MUC6: variants seen among roughly 807,000 people sequenced by gnomAD.
MUC6 encodes mucin-6.
In MUC6, 188 loss-of-function variants were observed where a neutral mutation model predicts 201.5. The ratio of observed to expected loss-of-function variants is 0.93; its 90% confidence interval spans 0.83 to 1.05. MUC6 has a LOEUF of 1.05. Among genes scored for constraint, MUC6 ranks in the 50% least tolerant of loss-of-function variants. The probability of loss-of-function intolerance (pLI) is 0.00; values close to 1 mark genes in which losing one functional copy is unlikely to be tolerated. For synonymous variants in MUC6, 1,228 were observed against 1,389.4 expected, an observed-to-expected ratio of 0.88 and a Z score of 2.58; for missense variants, 2,706 against 3,256.9, an observed-to-expected ratio of 0.83 and a Z score of 4.12.
Position 1,020,163 on chromosome 11 carries a change from G to A in MUC6, c.3735C>T (p.Thr1245=). The A allele has an allele frequency of 6.2e-7, 1 of 1,613,034 alleles. No homozygotes were observed. The part of the protein sequence containing the change: ...STGPSPSSNH[T]PASPTQTPLL... ...GGGGTGTCTGGGTGGGGCTGGCAGG[G>A]GTGTGATTAGAGCTGGGTGAGGGTC... The change falls in exon 29 of 33, where the codon ACC becomes ACT. Residue 1245 remains threonine, a synonymous_variant. Coordinates refer to ENST00000421673, the MANE Select transcript of MUC6 (RefSeq NM_005961.3).
chr11:1,021,818 A>G (rs575068205), intron 26 of MUC6, among the ~76,000 whole-genome samples: 1 of 152,066 alleles, frequency 6.6e-6, no homozygotes, highest in South Asian at 2.1e-4. Context: ...TCCCCGATGC[A>G]GGTGCCCTGC....
rs749415464 is a variant in MUC6, at chr11:1,013,733, G to A, written c.7143-100C>T. On this transcript the variant is annotated intron_variant, in intron 32 of 32. Coordinates refer to ENST00000421673, the MANE Select transcript of MUC6 (RefSeq NM_005961.3). ...GCTCCGCAGAGGCCTGGACCTCCCC[G>A]CTGAGCTCCCGGCTCACAGGGGCCA... 6 of 1,423,564 alleles carry A rather than the reference G, an allele frequency of 4.2e-6. No homozygotes were observed. The Admixed American group carries it at 6.1e-5, about 14-fold the overall frequency. The allele number at this position is 1,423,564 out of a possible 1,614,324, so 88.2% of individuals were successfully genotyped here.
chr11:1,033,317 C>G lies in MUC6; in HGVS notation c.53-242G>C, dbSNP rs1416810141. The G allele has an allele frequency of 1.4e-5, 8 of 568,746 alleles. No individual in the cohort carries two copies. Among genetic ancestry groups the G allele is most frequent in the Non-Finnish European group, 2.2e-5 (7 of 314,660 alleles). 35.2% of individuals were successfully genotyped at this position (568,746 alleles called of 1,614,324 possible). A position where few individuals can be genotyped will look rare whatever the true frequency, so the allele number is the denominator to read the frequency against. On this transcript the variant is annotated intron_variant, in intron 1 of 32. Transcript: ENST00000421673. This position sits in a 1 kb window ranked among gnomAD's most constrained non-coding sequence, Gnocchi z 5.6. ...CACTCCCTCGTTTGTCCACTCAGTCCCAGTTCAGCCGTCAGCCCCTCGGGG... is the reference window on the plus strand; with the variant it reads ...CACTCCCTCGTTTGTCCACTCAGTCGCAGTTCAGCCGTCAGCCCCTCGGGG...
intron 24 of MUC6, 124 bp downstream of exon 24, chr11:1,024,720 C>T (rs1183701668): frequency 2.1e-6 from 3 of 1,436,814 alleles, no homozygotes; most frequent in Non-Finnish European, 2.8e-6. Context: ...ACTCTCTGCA[C>T]CCTGACCTGG....
rs1025765643 is a variant in MUC6 at position 1,031,755 on chromosome 11, T to C, written c.357-22A>G. On this transcript the variant is annotated intron_variant, in intron 3 of 32. Coordinates refer to ENST00000421673, the MANE Select transcript of MUC6 (RefSeq NM_005961.3). The stretch of plus-strand genomic sequence containing the variant: ...GACCCTGTGGGGCAAGGGAAGTCGG[T>C]GGTCGATCCTCAGTCCTCCGGCCCC... The C allele has an allele frequency of 4.5e-6, 7 of 1,549,672 alleles. No homozygotes were observed. The African/African-American group carries it at 6.8e-5, about 15-fold the overall frequency.
At position 1,016,406 on chromosome 11, in the gene MUC6, G is replaced by T; in HGVS notation, c.6395C>A (p.Ser2132Tyr). The T allele has an allele frequency of 6.2e-7, 1 of 1,613,724 alleles. No individual in the cohort carries two copies. The highest frequency in any genetic ancestry group is 8.5e-7 in the Non-Finnish European group (1 of 1,179,782). Reference sequence around the variant, plus strand: ...AGTAGAGGGGGCAGAAGGACTGGGAGAAAATGAGGAGGACAGCTGATTAGT... The same window carrying T: ...AGTAGAGGGGGCAGAAGGACTGGGATAAAATGAGGAGGACAGCTGATTAGT... ...STTNQLSSSF[S>Y]PSPSAPSTVS... Residue 2132 changes from serine (S) to tyrosine (Y), a missense_variant, in exon 31 of 33, where the codon TCT becomes TAT. Around this residue, in one of 10 missense-constraint regions of MUC6, gnomAD observed 586 missense variants for 488.0 expected, o/e 1.20. Transcript: ENST00000421673.
In MUC6 at chr11:1,020,186, G is replaced by A. The variant is rs1211333737; in HGVS notation, c.3712C>T (p.Pro1238Ser). The change falls in exon 29 of 33, where the codon CCC becomes TCC. Residue 1238 changes from proline (P) to serine (S), a missense_variant. This residue lies in a region of MUC6 where 1,850 missense variants were observed against 1,958.3 expected (regional missense o/e 0.94). Transcript: ENST00000421673. ...TTIGLLSSTGPSPSSNHTPAS... is the reference protein window; with the variant it reads ...TTIGLLSSTGSSPSSNHTPAS... ...GGGGTGTGATTAGAGCTGGGTGAGG[G>A]TCCGGTGGAGCTGAGAAGCCCGATG... 2.5e-6 allele frequency: 4 copies of A among 1,612,370 alleles called. No homozygotes were observed. Among genetic ancestry groups the A allele is most frequent in the Non-Finnish European group, 2.5e-6 (3 of 1,179,680 alleles).
Position 1,030,614 on chromosome 11 carries a change from A to T in MUC6, c.851T>A (p.Val284Glu). ...LSEYSRQCSM[V>E]GQPVRRWRSP... is the part of the protein sequence containing the mutation. ...CCGCCAGCGGCGGACCGGCTGGCCC[A>T]CCATGCTGCACTGGCGGGAGTACTC... The change falls in exon 7 of 33, where the codon GTG (valine) becomes GAG (glutamate). Residue 284 changes from valine to glutamate, a missense_variant. This residue lies in a region of MUC6 where 1,850 missense variants were observed against 1,958.3 expected (regional missense o/e 0.94). Transcript: ENST00000421673. The T allele has an allele frequency of 6.5e-7, 1 of 1,533,636 alleles. No homozygotes were observed. The highest frequency in any genetic ancestry group is 1.2e-5 in the South Asian group (1 of 82,744).
At chr11:1,022,601 G>A (rs1473049209) in intron 26 of MUC6, among the ~76,000 whole-genome samples, 1 of 152,152 alleles carries the variant, frequency 6.6e-6, no homozygotes, top group Non-Finnish European at 1.5e-5. Flanking sequence ...CGCCTCGGCC[G>A]ACACTGGGTC....
At chr11:1,035,123 C>T (rs950362493) in intron 1 of MUC6, among the ~76,000 whole-genome samples, 5 of 152,264 alleles carry the variant, frequency 3.3e-5, no homozygotes, top group Non-Finnish European at 7.3e-5. Context: ...CCACCGCGGC[C>T]CAGGCCTGCA....
At chr11:1,032,152 GTTT>G in intron 2 of MUC6, 99 bp from the exon 3 acceptor site, 1 of 1,482,810 alleles carries the variant, frequency 6.7e-7, no homozygotes, top group Non-Finnish European at 9.0e-7. Flanking sequence ...CTGGGCCAGG[GTTT>G]TTGAGTTGGG....
At chr11:1,030,849 G>T (rs1034168152) in intron 6 of MUC6, 69 bp from the exon 7 acceptor site, 2 of 1,528,016 alleles carry the variant, frequency 1.3e-6, no homozygotes, top group African/African-American at 1.4e-5. Context: ...GGGAGGTCGG[G>T]CAGGGCGTCT....
chr11:1,029,299 C>T lies in MUC6; in HGVS notation c.1204G>A (p.Gly402Ser). 2 of 1,606,568 alleles carry T rather than the reference C, an allele frequency of 1.2e-6. No homozygotes were observed. Among genetic ancestry groups the T allele is most frequent in the Non-Finnish European group, 1.7e-6 (2 of 1,177,466 alleles). Residue 402 changes from glycine (G) to serine (S), a missense_variant, in exon 10 of 33, where the codon GGC becomes AGC. Around this residue, in one of 10 missense-constraint regions of MUC6, gnomAD observed 1,850 missense variants for 1,958.3 expected, o/e 0.94. Transcript: ENST00000421673. ...PCPGHCSLEGGSFVTTFDARP... is the reference protein window; with the variant it reads ...PCPGHCSLEGSSFVTTFDARP... The stretch of plus-strand genomic sequence containing the variant: ...GCGTCAAATGTGGTAACAAAGGAGC[C>T]ACCTTCCAGGGAGCAGTGTCCGGGG...
At chr11:1,025,422 C>T in intron 22 of MUC6, 55 bp from the exon 23 acceptor site, 3 of 1,571,122 alleles carry the variant, frequency 1.9e-6, no homozygotes, top group South Asian at 1.1e-5. Context: ...GCCCCTGGCA[C>T]AGCCGTGCTG....
Position 1,019,390 on chromosome 11 carries a change from T to A in MUC6, c.3915A>T (p.Thr1305=). The part of the protein sequence containing the change: ...TATKPTVTQA[T]TRATASTASP... Reference sequence around the variant, plus strand: ...TGGCGGTCGACGCCGTGGCCCTGGTTGTGGCCTGGGTCACTGTGGGTTTTG... The same window carrying A: ...TGGCGGTCGACGCCGTGGCCCTGGTAGTGGCCTGGGTCACTGTGGGTTTTG... The change falls in exon 30 of 33, where the codon ACA becomes ACT. Residue 1305 remains threonine, a synonymous_variant. Coordinates refer to ENST00000421673, the MANE Select transcript of MUC6 (RefSeq NM_005961.3). 2 of 1,613,732 alleles carry A rather than the reference T, an allele frequency of 1.2e-6. No individual in the cohort carries two copies. The highest frequency in any genetic ancestry group is 1.7e-6 in the Non-Finnish European group (2 of 1,179,684).
At chr11:1,023,702 G>A (rs562151318) in intron 25 of MUC6, 50 bp from the exon 26 acceptor site, 3 of 1,600,630 alleles carry the variant, frequency 1.9e-6, no homozygotes, top group Non-Finnish European at 8.5e-7. Context: ...CCTGGCCCTG[G>A]CCCTGACCCG....
At position 1,023,513 on chromosome 11, in the gene MUC6, G is replaced by C; in HGVS notation, c.3522C>G (p.Ile1174Met). 1.3e-6 allele frequency: 2 copies of C among 1,580,922 alleles called. No individual in the cohort carries two copies. The highest frequency in any genetic ancestry group is 1.7e-6 in the Non-Finnish European group (2 of 1,163,244). The part of the protein sequence containing the change: ...SQPQSVPGSN[I>M]EGCYNCSQDE... ...TGCCTCCCGGTCACCTGGCACCTTCGATGTTGCTGCCTGGGACGCTCTGTG... is the reference window on the plus strand; with the variant it reads ...TGCCTCCCGGTCACCTGGCACCTTCCATGTTGCTGCCTGGGACGCTCTGTG... The change falls in exon 26 of 33, where the codon ATC becomes ATG. Residue 1174 changes from isoleucine (I) to methionine (M), a missense_variant. By Grantham distance (10) the Ile-to-Met change is conservative (BLOSUM62 1). Transcript: ENST00000421673.
chr11:1,034,932 C>G (rs909196772), intron 1 of MUC6, among the ~76,000 whole-genome samples: 1 of 152,222 alleles, frequency 6.6e-6, no homozygotes, highest in Non-Finnish European at 1.5e-5. Flanking sequence ...CAGCGGGAGA[C>G]TCCTGCGTTC....
At position 1,013,440 on chromosome 11, in the gene MUC6, G is replaced by T; in HGVS notation, c.*16C>A. 11 of 1,562,428 alleles carry T rather than the reference G, an allele frequency of 7.0e-6. No homozygotes were observed. Among genetic ancestry groups the T allele is most frequent in the Non-Finnish European group, 8.7e-6 (10 of 1,154,306 alleles). ...TCTGCAGTCCTTCAGCCCCAGGAGA[G>T]CAGGCAGCGACCCTGCTAGTCTCCA... On this transcript the variant is annotated 3_prime_UTR_variant, in exon 33 of 33. Coordinates refer to ENST00000421673, the MANE Select transcript of MUC6 (RefSeq NM_005961.3).
Sources: gnomAD v4.1 joint callset for allele counts (sites outside exome capture counted in the v4.1 genomes callset) on GRCh38, gnomAD v4.1.1 for gene constraint, gnomAD v4.1.1 regional missense constraint, Gnocchi (gnomAD v3.1) non-coding constraint, MANE v1.5 for transcripts, NCBI Gene and HGNC (gene_info 2026-07-23, HGNC 2026-07-21) for gene names.